The following PTPN23 variants were observed in gnomAD, a reference collection of about 807,000 sequenced individuals.
PTPN23 encodes the protein protein tyrosine phosphatase non-receptor type 23.
Under a neutral mutation model 156.3 loss-of-function variants are expected in PTPN23, and 72 were observed. The observed-to-expected ratio is 0.46, with a 90% CI of 0.38 to 0.56. PTPN23 has a LOEUF of 0.56. Among genes scored for constraint, PTPN23 ranks in the 20% least tolerant of loss-of-function variants. The pLI is 0.00. For missense variants in PTPN23, 1,974 were observed against 2,171.5 expected (o/e 0.91, Z 1.81); for synonymous variants, 957 against 899.6 (o/e 1.06, Z -1.14).
In PTPN23 at chr3:47,409,011, C is replaced by T. The variant is rs763155385; in HGVS notation, c.1566C>T (p.His522=). Residue 522 remains histidine, a synonymous_variant, in exon 16 of 25, where the codon CAC becomes CAT. Transcript: ENST00000265562. ...NSELHRAMNL[H]VGNLRLLSGP... ...AGCTGCACCGTGCCATGAACCTGCA[C>T]GTCGGCAACCTGCGCCTGCTCAGCG... 7.7e-5 allele frequency: 124 copies of T among 1,613,978 alleles called. 3 individuals carry two copies. In the South Asian group the frequency reaches 1.1e-3, roughly 14 times the overall value.
At chr3:47,385,575 G>T (rs896156003) in intron 1 of PTPN23, among the ~76,000 whole-genome samples, 1 of 152,150 alleles carries the variant, frequency 6.6e-6, no homozygotes, top group South Asian at 2.1e-4. Context: ...CTACTTAGGA[G>T]GCTGAGGTGG....
At chr3:47,383,021 G>A (rs143995914) in intron 1 of PTPN23, among the ~76,000 whole-genome samples, 83 of 151,994 alleles carry the variant, frequency 5.5e-4, no homozygotes, top group Non-Finnish European at 9.0e-4. Context: ...GAATAGATCC[G>A]GTATCTTTTT....
chr3:47,405,556 G>A lies in PTPN23; in HGVS notation c.365-193G>A. On this transcript the variant is annotated intron_variant, in intron 4 of 24. Transcript: ENST00000265562. This position sits in a 1 kb window ranked among gnomAD's most constrained non-coding sequence, Gnocchi z 4.7. ...GCCCTTCCATCCTCTGCCAAATGCA[G>A]AGCAGGAGACTGAGGGCTGGGCAGG... 3.2e-6 allele frequency: 2 copies of A among 620,090 alleles called. No homozygotes were observed. Among genetic ancestry groups the A allele is most frequent in the East Asian group, 5.6e-5 (2 of 35,668 alleles). 38.4% of individuals were successfully genotyped at this position (620,090 alleles called of 1,614,324 possible). A position where few individuals can be genotyped will look rare whatever the true frequency, so the allele number is the denominator to read the frequency against.
Position 47,381,153 on chromosome 3 carries a change from C to T in PTPN23, c.57C>T (p.Asp19=), listed in dbSNP as rs1704527053. 6.3e-7 allele frequency: 1 copy of T among 1,591,982 alleles called. No individual in the cohort carries two copies. Among genetic ancestry groups the T allele is most frequent in the Non-Finnish European group, 8.5e-7 (1 of 1,169,896 alleles). The change falls in exon 1 of 25, where the codon GAC becomes GAT. Residue 19 remains aspartate (D), a synonymous_variant. Coordinates refer to ENST00000265562, the MANE Select transcript of PTPN23 (RefSeq NM_015466.4). ...GGCTGGACCTGAAGGAGGCCGGTGA[C>T]TTTCACTTCCAGCCAGCTGTGAAGA... ...MIWLDLKEAG[D]FHFQPAVKKF... is the part of the protein sequence containing the mutation.
chr3:47,410,896 CTCTGCCTT>C lies in PTPN23; in HGVS notation c.3101_3108del (p.Leu1034ProfsTer45). ...GACCCTCTGCCAGCCCACTCAGGGG[CTCTGCCTT>C]TCCCCAGCCCTGGGCCCCCTCAGCC... On this transcript the variant is annotated frameshift_variant, in exon 20 of 25. Coordinates refer to ENST00000265562, the MANE Select transcript of PTPN23 (RefSeq NM_015466.4). LOFTEE classifies it high-confidence loss of function. The C allele has an allele frequency of 1.2e-6, 2 of 1,611,410 alleles. No individual in the cohort carries two copies. The highest frequency in any genetic ancestry group is 1.7e-6 in the Non-Finnish European group (2 of 1,178,816).
chr3:47,389,850 A>G (rs1281225486), intron 1 of PTPN23, among the ~76,000 whole-genome samples: 4 of 149,876 alleles, frequency 2.7e-5, no homozygotes, highest in African/African-American at 9.8e-5. Context: ...CAAAAAAAAA[A>G]AAAAAAAAAA....
rs144604682 is a variant in PTPN23, at chr3:47,405,463, A to G, written c.365-286A>G. ...CAGCCTTAGCCTGGCTCAAGGGAGA[A>G]GCTTGGGGAGCCCCAGAGTTCTGTG... On this transcript the variant is annotated intron_variant, in intron 4 of 24. Coordinates refer to ENST00000265562, the MANE Select transcript of PTPN23 (RefSeq NM_015466.4). This position sits in a 1 kb window ranked among gnomAD's most constrained non-coding sequence, Gnocchi z 4.7. The G allele has an allele frequency of 1.8e-4, 99 of 545,252 alleles. 1 individual carries two copies. Among genetic ancestry groups the G allele is most frequent in the African/African-American group, 1.4e-3 (76 of 52,710 alleles). The allele number at this position is 545,252 out of a possible 1,614,324, so 33.8% of individuals were successfully genotyped here. A position where few individuals can be genotyped will look rare whatever the true frequency, so the allele number is the denominator to read the frequency against.
chr3:47,411,709 C>A lies in PTPN23; in HGVS notation c.3888+23C>A. 6.3e-7 allele frequency: 1 copy of A among 1,596,596 alleles called. No homozygotes were observed. Among genetic ancestry groups the A allele is most frequent in the Non-Finnish European group, 8.6e-7 (1 of 1,168,174 alleles). ...AAGGTGAGAAGAGGGGGTGGGTGCCCACGAGGGCAGTGTGGGGTGGCAGGG... is the reference window on the plus strand; with the variant it reads ...AAGGTGAGAAGAGGGGGTGGGTGCCAACGAGGGCAGTGTGGGGTGGCAGGG... On this transcript the variant is annotated intron_variant, in intron 20 of 24. Coordinates refer to ENST00000265562, the MANE Select transcript of PTPN23 (RefSeq NM_015466.4). This position sits in a 1 kb window ranked among gnomAD's most constrained non-coding sequence, Gnocchi z 6.3.
At position 47,407,536 on chromosome 3, in the gene PTPN23, A is replaced by G. The variant is rs1431063128; in HGVS notation, c.955A>G (p.Ile319Val). ...TTCTGCCAAGAAGGACAACGACTTC[A>G]TTTACCATGAGGCTGTCCCAGCATT... ...YNSAKKDNDF[I>V]YHEAVPALDT... Residue 319 changes from isoleucine to valine, a missense_variant, in exon 12 of 25, where the codon ATT becomes GTT. By Grantham distance (29) the Ile-to-Val change is conservative. Transcript: ENST00000265562. The surrounding 1 kb of genome is among the most constrained non-coding windows in gnomAD (Gnocchi z 4.0). 6.2e-7 allele frequency: 1 copy of G among 1,613,986 alleles called. No homozygotes were observed.
intron 1 of PTPN23, among the ~76,000 whole-genome samples, chr3:47,393,042 C>T (rs1357796293): frequency 1.3e-5 from 2 of 152,092 alleles, no homozygotes; most frequent in African/African-American, 2.4e-5. Flanking sequence ...TGTTATGTTG[C>T]CCAGTCTGGC....
At chr3:47,399,043 A>G (rs1366628559) in intron 2 of PTPN23, among the ~76,000 whole-genome samples, 1 of 152,256 alleles carries the variant, frequency 6.6e-6, no homozygotes, top group African/African-American at 2.4e-5. Context: ...AGGCCTTTAG[A>G]TCCCTTGGAA....
At position 47,410,231 on chromosome 3, in the gene PTPN23, T is replaced by G. The variant is rs753643352; in HGVS notation, c.2433T>G (p.His811Gln). Residue 811 changes from histidine (H) to glutamine (Q), a missense_variant, in exon 20 of 25, where the codon CAT becomes CAG. His to Gln is a conservative substitution (Grantham distance 24, BLOSUM62 0). Transcript: ENST00000265562. ...QLIQPRAPGP[H>Q]AMPVAPGPAL... is the part of the protein sequence containing the mutation. The stretch of plus-strand genomic sequence containing the variant: ...TACAGCCCAGGGCCCCAGGGCCCCA[T>G]GCAATGCCCGTAGCACCTGGGCCTG... The G allele has an allele frequency of 3.1e-6, 5 of 1,611,412 alleles. No individual in the cohort carries two copies. Among genetic ancestry groups the G allele is most frequent in the Non-Finnish European group, 3.4e-6 (4 of 1,178,838 alleles).
At chr3:47,404,925 G>A in intron 3 of PTPN23, 80 bp from the exon 4 acceptor site, 2 of 1,593,226 alleles carry the variant, frequency 1.3e-6, no homozygotes, top group Admixed American at 1.7e-5. Context: ...TCCCCACAAT[G>A]GGGTGTTTAG....
In PTPN23 at chr3:47,410,259, C is replaced by T; in HGVS notation, c.2461C>T (p.Leu821Phe). 1 of 1,610,452 alleles carries T rather than the reference C, an allele frequency of 6.2e-7. No individual in the cohort carries two copies. Among genetic ancestry groups the T allele is most frequent in the Non-Finnish European group, 8.5e-7 (1 of 1,178,386 alleles). Residue 821 changes from leucine to phenylalanine, a missense_variant, in exon 20 of 25, where the codon CTC (leucine) becomes TTC (phenylalanine). Coordinates refer to ENST00000265562, the MANE Select transcript of PTPN23 (RefSeq NM_015466.4). The stretch of plus-strand genomic sequence containing the variant: ...AATGCCCGTAGCACCTGGGCCTGCC[C>T]TCTACCCAGCCCCTGCCTACACACC... ...HAMPVAPGPA[L>F]YPAPAYTPEL...
At position 47,406,109 on chromosome 3, in the gene PTPN23, C is replaced by T; in HGVS notation, c.546+63C>T. 6.3e-7 allele frequency: 1 copy of T among 1,582,978 alleles called. No homozygotes were observed. Among genetic ancestry groups the T allele is most frequent in the Admixed American group, 1.8e-5 (1 of 55,468 alleles). ...GGGAAGGGGATGGCCAGGGAGGGGG[C>T]AGTTGGGCCTGGATCCTGGACCAAG... On this transcript the variant is annotated intron_variant, in intron 6 of 24. Transcript: ENST00000265562. The surrounding 1 kb of genome is among the most constrained non-coding windows in gnomAD (Gnocchi z 5.8).
Position 47,411,530 on chromosome 3 carries a change from C to T in PTPN23, c.3732C>T (p.Ile1244=). 6.2e-7 allele frequency: 1 copy of T among 1,612,982 alleles called. No homozygotes were observed. The highest frequency in any genetic ancestry group is 8.5e-7 in the Non-Finnish European group (1 of 1,180,012). Residue 1244 remains isoleucine, a synonymous_variant, in exon 20 of 25, where the codon ATC becomes ATT. Transcript: ENST00000265562. The surrounding 1 kb of genome is among the most constrained non-coding windows in gnomAD (Gnocchi z 6.3). ...VVLRSGKDDY[I]NASCVEGLSP... ...TGCGCTCAGGCAAGGATGACTACAT[C>T]AATGCCAGCTGCGTGGAGGGGCTCT...
At chr3:47,389,606 C>T (rs934077815) in intron 1 of PTPN23, among the ~76,000 whole-genome samples, 9 of 152,154 alleles carry the variant, frequency 5.9e-5, no homozygotes, top group East Asian at 5.8e-4. Flanking sequence ...TTTGGGAGGC[C>T]GAGGCGGGTG....
At position 47,411,608 on chromosome 3, in the gene PTPN23, T is replaced by G. The variant is rs765035618; in HGVS notation, c.3810T>G (p.Ala1270=). Residue 1270 remains alanine (A), a synonymous_variant, in exon 20 of 25, where the codon GCT becomes GCG. Coordinates refer to ENST00000265562, the MANE Select transcript of PTPN23 (RefSeq NM_015466.4). This position sits in a 1 kb window ranked among gnomAD's most constrained non-coding sequence, Gnocchi z 6.3. ...VATQAPLPGT[A]ADFWLMVHEQ... is the part of the protein sequence containing the mutation. ...CCCAGGCCCCACTGCCTGGCACAGCTGCTGACTTCTGGCTCATGGTCCATG... is the reference window on the plus strand; with the variant it reads ...CCCAGGCCCCACTGCCTGGCACAGCGGCTGACTTCTGGCTCATGGTCCATG... 1 of 1,612,298 alleles carries G rather than the reference T, an allele frequency of 6.2e-7. No individual in the cohort carries two copies. Among genetic ancestry groups the G allele is most frequent in the Non-Finnish European group, 8.5e-7 (1 of 1,179,882 alleles).
At position 47,405,835 on chromosome 3, in the gene PTPN23, C is replaced by A. The variant is rs369078903; in HGVS notation, c.414+37C>A. ...GGCAGTAGTGGAACATGTGGACATA[C>A]CAGGGAGGGGCAGCCTCCCAAGTAT... On this transcript the variant is annotated intron_variant, in intron 5 of 24. Coordinates refer to ENST00000265562, the MANE Select transcript of PTPN23 (RefSeq NM_015466.4). This position sits in a 1 kb window ranked among gnomAD's most constrained non-coding sequence, Gnocchi z 4.7. 3.1e-6 allele frequency: 5 copies of A among 1,589,520 alleles called. No individual in the cohort carries two copies. Among genetic ancestry groups the A allele is most frequent in the Non-Finnish European group, 4.3e-6 (5 of 1,166,486 alleles).
Sources: allele counts gnomAD v4.1 joint callset (sites outside exome capture counted in the v4.1 genomes callset), GRCh38; gene constraint gnomAD v4.1.1; non-coding constraint Gnocchi (gnomAD v3.1); transcripts MANE v1.5; gene names NCBI Gene and HGNC (gene_info 2026-07-23, HGNC 2026-07-21).